Variants in COL21A1 observed in about 807,000 individuals in gnomAD.
COL21A1 encodes collagen alpha-1(XXI) chain.
A neutral mutation model predicts 137.9 loss-of-function variants in COL21A1; 149 were observed. The observed-to-expected ratio is 1.08, with a 90% CI of 0.95 to 1.24. The LOEUF (loss-of-function observed/expected upper bound fraction) is 1.24, where lower values mean the gene tolerates loss of function less well. Among genes scored for constraint, COL21A1 ranks in the 50% most tolerant of loss-of-function variants. The pLI is 0.00. For missense variants in COL21A1, 1,167 were observed against 1,158.4 expected (o/e 1.01, Z -0.11); for synonymous variants, 456 against 391.5 (o/e 1.16, Z -1.95).
At chr6:56,123,232 TAAC>T (rs1268813697) in intron 16 of COL21A1, among the ~76,000 whole-genome samples, 2 of 152,196 alleles carry the variant, frequency 1.3e-5, no homozygotes, top group African/African-American at 4.8e-5. Flanking sequence ...GAAGCATAAT[TAAC>T]AAGAAGGAAC....
intron 1 of COL21A1, among the ~76,000 whole-genome samples, chr6:56,255,923 A>T (rs724677): frequency 6.6e-6 from 1 of 152,070 alleles, no homozygotes; most frequent in Non-Finnish European, 1.5e-5. Flanking sequence ...AACCTGAACC[A>T]CAACAATTCT....
Position 56,180,015 on chromosome 6 carries a change from T to A in COL21A1, c.203A>T (p.Asp68Val), listed in dbSNP as rs1193778671. 30 of 1,613,784 alleles carry A rather than the reference T, an allele frequency of 1.9e-5. No individual in the cohort carries two copies. Among genetic ancestry groups the A allele is most frequent in the Non-Finnish European group, 2.5e-5 (29 of 1,179,792 alleles). The change falls in exon 3 of 30, where the codon GAC becomes GTC. Residue 68 changes from aspartate (D) to valine (V), a missense_variant. Coordinates refer to ENST00000244728, the MANE Select transcript of COL21A1 (RefSeq NM_030820.4). Reference sequence around the variant, plus strand: ...AACTTGAATAAACTTCGGCCCTATGTCAAAGTTTTTTGTGATATTGACAAG... The same window carrying A: ...AACTTGAATAAACTTCGGCCCTATGACAAAGTTTTTTGTGATATTGACAAG... ...KWLVNITKNF[D>V]IGPKFIQVGV...
At chr6:56,391,823 C>T (rs1019462022) in intron 1 of COL21A1, among the ~76,000 whole-genome samples, 19 of 152,152 alleles carry the variant, frequency 1.2e-4, no homozygotes, top group African/African-American at 4.1e-4. Context: ...AATACAAAAA[C>T]TCAATAGACC....
chr6:56,175,357 A>G (rs1446338327), intron 3 of COL21A1, among the ~76,000 whole-genome samples: 4 of 151,268 alleles, frequency 2.6e-5, no homozygotes, highest in African/African-American at 9.7e-5. Context: ...GTTCACAGAT[A>G]GCATGATCAT....
At chr6:56,072,933 G>A (rs1188043146) in intron 20 of COL21A1, among the ~76,000 whole-genome samples, 1 of 151,470 alleles carries the variant, frequency 6.6e-6, no homozygotes, top group Non-Finnish European at 1.5e-5. Context: ...AGTAATTCAT[G>A]TAAAAATAAA....
chr6:56,289,610 T>C (rs1460697925), intron 1 of COL21A1, among the ~76,000 whole-genome samples: 1 of 152,164 alleles, frequency 6.6e-6, no homozygotes, highest in Non-Finnish European at 1.5e-5. Context: ...TTGATAGTAA[T>C]AATTTAACCA....
At chr6:56,218,254 G>A (rs1780609703) in intron 1 of COL21A1, among the ~76,000 whole-genome samples, 3 of 151,384 alleles carry the variant, frequency 2.0e-5, no homozygotes, top group South Asian at 2.1e-4. Flanking sequence ...ACTCAGAACT[G>A]TCCTCTAACA....
At chr6:56,353,507 T>C (rs1765763406) in intron 1 of COL21A1, among the ~76,000 whole-genome samples, 1 of 152,108 alleles carries the variant, frequency 6.6e-6, no homozygotes, top group Non-Finnish European at 1.5e-5. Flanking sequence ...AGCAACCACA[T>C]GAGAGACCCT....
At chr6:56,194,726 A>C (rs1218826842) in intron 1 of COL21A1, among the ~76,000 whole-genome samples, 1 of 152,202 alleles carries the variant, frequency 6.6e-6, no homozygotes, top group Admixed American at 6.5e-5. Context: ...TCAAATGTTA[A>C]GGTGTATAAA....
chr6:56,351,177 T>C (rs1170185004), intron 1 of COL21A1, among the ~76,000 whole-genome samples: 1 of 152,266 alleles, frequency 6.6e-6, no homozygotes, highest in Non-Finnish European at 1.5e-5. Context: ...CCATGCTTTG[T>C]ATGACTTTAG....
intron 17 of COL21A1, among the ~76,000 whole-genome samples, chr6:56,098,573 AT>A (rs1769994387): frequency 2.2e-5 from 1 of 45,966 alleles, no homozygotes. Context: ...ATAAATATAT[AT>A]AAATATATAT....
At chr6:56,148,246 T>A (rs1380622412) in intron 10 of COL21A1, among the ~76,000 whole-genome samples, 1 of 151,862 alleles carries the variant, frequency 6.6e-6, no homozygotes, top group African/African-American at 2.4e-5. Context: ...GGCATAGTTT[T>A]AAATAACTAA....
At chr6:56,066,962 T>TGC (rs1209217002) in intron 23 of COL21A1, among the ~76,000 whole-genome samples, 1 of 121,302 alleles carries the variant, frequency 8.2e-6, no homozygotes, top group Non-Finnish European at 1.7e-5. Flanking sequence ...ACTGTGTGTG[T>TGC]GTATATATAT....
At chr6:56,112,090 G>A (rs981943666) in intron 16 of COL21A1, among the ~76,000 whole-genome samples, 3 of 151,974 alleles carry the variant, frequency 2.0e-5, no homozygotes, top group African/African-American at 7.3e-5. Context: ...AAGAATATGG[G>A]TATAAATTAG....
At chr6:56,209,662 C>T (rs568601317) in intron 1 of COL21A1, among the ~76,000 whole-genome samples, 14 of 152,218 alleles carry the variant, frequency 9.2e-5, no homozygotes, top group African/African-American at 2.4e-4. Context: ...GAAACAGGAA[C>T]GCTTTTACAC....
chr6:56,234,026 A>T (rs191101033), intron 1 of COL21A1, among the ~76,000 whole-genome samples: 9 of 151,948 alleles, frequency 5.9e-5, no homozygotes, highest in Admixed American at 2.0e-4. Flanking sequence ...CTGGTAGAAA[A>T]GGAAAATAAA....
At chr6:56,343,811 C>T (rs1012872670) in intron 1 of COL21A1, among the ~76,000 whole-genome samples, 1 of 152,090 alleles carries the variant, frequency 6.6e-6, no homozygotes, top group African/African-American at 2.4e-5. Context: ...GGCGTGGTGG[C>T]ATGCACCTGT....
chr6:56,302,062 C>G (rs1764309389), intron 1 of COL21A1, among the ~76,000 whole-genome samples: 1 of 151,978 alleles, frequency 6.6e-6, no homozygotes, highest in Non-Finnish European at 1.5e-5. Flanking sequence ...ATGAACTCAT[C>G]ATTTTTTATG....
chr6:56,194,404 G>A (rs145651720), intron 1 of COL21A1, among the ~76,000 whole-genome samples: 1 of 152,264 alleles, frequency 6.6e-6, no homozygotes, highest in East Asian at 1.9e-4. Flanking sequence ...ACACTTAGTT[G>A]AATAGGGAGT....
Sources: gnomAD v4.1 joint callset for allele counts (sites outside exome capture counted in the v4.1 genomes callset) on GRCh38, gnomAD v4.1.1 for gene constraint, MANE v1.5 for transcripts, NCBI Gene and HGNC (gene_info 2026-07-23, HGNC 2026-07-21) for gene names.